Variants in CDH23 observed in about 807,000 individuals in gnomAD.
CDH23 encodes the protein cadherin-23.
A neutral mutation model predicts 317.1 loss-of-function variants in CDH23; 189 were observed. The observed-to-expected ratio is 0.60, with a 90% CI of 0.53 to 0.67. The LOEUF is 0.67. Among genes scored for constraint, CDH23 ranks in the 30% least tolerant of loss-of-function variants. CDH23 has a pLI of 0.00. For missense variants in CDH23, 4,401 were observed against 4,592.4 expected, an observed-to-expected ratio of 0.96 and a Z score of 1.20; for synonymous variants, 1,839 against 1,876.8, an observed-to-expected ratio of 0.98 and a Z score of 0.52.
rs777244853 is a variant in CDH23, at chr10:71,615,509, A to G, written c.838A>G (p.Thr280Ala). The change falls in exon 10 of 70, where the codon ACC becomes GCC. Residue 280 changes from threonine to alanine, a missense_variant. Physicochemically the swap from Thr to Ala is moderately conservative, Grantham distance 58 (BLOSUM62 0). Around this residue, in one of 3 missense-constraint regions of CDH23, gnomAD observed 3,068 missense variants for 3,203.3 expected, o/e 0.96. Transcript: ENST00000224721. ...AATGCTTCTCTCTCTTGCAGGGAAT[A>G]CCAACAGCATCTTTGCCCTGGACTA... ...GIGYTIVSGN[T>A]NSIFALDYIS... The G allele has an allele frequency of 1.6e-5, 25 of 1,609,876 alleles. No individual in the cohort carries two copies. In the African/African-American group the frequency reaches 3.2e-4, roughly 21 times the overall value.
At chr10:71,480,143 T>C (rs1851992910) in intron 3 of CDH23, among the ~76,000 whole-genome samples, 1 of 152,222 alleles carries the variant, frequency 6.6e-6, no homozygotes, top group Non-Finnish European at 1.5e-5. Context: ...CATTTCCTCC[T>C]GTGGCCCATT....
At chr10:71,481,366 C>T (rs1852055104) in intron 3 of CDH23, among the ~76,000 whole-genome samples, 1 of 152,210 alleles carries the variant, frequency 6.6e-6, no homozygotes, top group South Asian at 2.1e-4. Context: ...TGCCAGCTCA[C>T]AGCCACCCTT....
chr10:71,620,110 C>G (rs2132526800), intron 11 of CDH23, among the ~76,000 whole-genome samples: 1 of 152,088 alleles, frequency 6.6e-6, no homozygotes, highest in East Asian at 1.9e-4. Flanking sequence ...TCTGCAGGTC[C>G]CTCGGTCCCT....
At chr10:71,590,262 T>C (rs568148285) in intron 9 of CDH23, among the ~76,000 whole-genome samples, 6 of 152,382 alleles carry the variant, frequency 3.9e-5, no homozygotes, top group South Asian at 2.1e-4. Flanking sequence ...CAGACATTCA[T>C]TGAAGTGAAC....
chr10:71,501,989 G>C (rs996032134), intron 3 of CDH23, among the ~76,000 whole-genome samples: 2 of 152,232 alleles, frequency 1.3e-5, no homozygotes, highest in Non-Finnish European at 2.9e-5. Flanking sequence ...CCTGCTGTTT[G>C]CAACTCCTTG....
intron 14 of CDH23, among the ~76,000 whole-genome samples, chr10:71,649,187 A>C: frequency 6.6e-6 from 1 of 151,036 alleles, no homozygotes; most frequent in African/African-American, 2.4e-5. Context: ...GGCCTCCTTC[A>C]CCCGGCAGCT....
At chr10:71,583,511 C>T (rs1007284609) in intron 9 of CDH23, among the ~76,000 whole-genome samples, 19 of 152,136 alleles carry the variant, frequency 1.2e-4, no homozygotes, top group East Asian at 1.9e-4. Flanking sequence ...AGTCACAGCC[C>T]CGACTGCCCA....
chr10:71,765,969 G>A (rs1347557557), intron 38 of CDH23, among the ~76,000 whole-genome samples: 1 of 152,160 alleles, frequency 6.6e-6, no homozygotes, highest in Admixed American at 6.5e-5. Flanking sequence ...TGAGACTCCA[G>A]CTGGGACAAG....
At chr10:71,705,649 C>T (rs984497897) in intron 25 of CDH23, among the ~76,000 whole-genome samples, 1 of 152,206 alleles carries the variant, frequency 6.6e-6, no homozygotes, top group Non-Finnish European at 1.5e-5. Context: ...CTGGGACTCT[C>T]ATGCTCATTC....
chr10:71,753,674 C>T, intron 38 of CDH23: 1 of 438,262 alleles, frequency 2.3e-6, no homozygotes, highest in Non-Finnish European at 4.6e-6. Flanking sequence ...CAATTAGATG[C>T]AGTGACCCCA....
At chr10:71,582,931 T>C (rs1015856057) in intron 9 of CDH23, among the ~76,000 whole-genome samples, 1 of 152,214 alleles carries the variant, frequency 6.6e-6, no homozygotes, top group Non-Finnish European at 1.5e-5. Flanking sequence ...TATGCTGATG[T>C]TGACATGCAG....
intron 48 of CDH23, chr10:71,795,675 C>G (rs953188787): frequency 4.3e-5 from 20 of 469,132 alleles, no homozygotes; most frequent in Non-Finnish European, 5.6e-5. Context: ...CCCAGTGCCT[C>G]TTCCCCTCCC....
At chr10:71,720,468 CT>C (rs995045674) in intron 28 of CDH23, among the ~76,000 whole-genome samples, 3 of 150,946 alleles carry the variant, frequency 2.0e-5, no homozygotes, top group African/African-American at 7.4e-5. Context: ...CCCCAGCCTT[CT>C]TTCTCCCCAG....
intron 66 of CDH23, 28 bp downstream of exon 66, chr10:71,812,043 C>T (rs752500590): frequency 6.2e-7 from 1 of 1,613,976 alleles, no homozygotes; most frequent in Non-Finnish European, 8.5e-7. Flanking sequence ...CCTGCCCGGT[C>T]CCCTGCGGGG....
chr10:71,808,622 G>T (rs1346264180), intron 60 of CDH23, among the ~76,000 whole-genome samples: 1 of 152,140 alleles, frequency 6.6e-6, no homozygotes, highest in Non-Finnish European at 1.5e-5. Context: ...ATGCCCCTGT[G>T]GGTGTCCCAT....
intron 8 of CDH23, 105 bp from the exon 9 acceptor site, chr10:71,577,809 C>A: frequency 1.0e-6 from 1 of 965,622 alleles, no homozygotes; most frequent in South Asian, 1.4e-5. Context: ...GTTGCCCTTG[C>A]AGCCAGGATC....
At chr10:71,802,078 C>T (rs994454714) in intron 53 of CDH23, among the ~76,000 whole-genome samples, 2 of 152,124 alleles carry the variant, frequency 1.3e-5, no homozygotes, top group Admixed American at 1.3e-4. Context: ...GAGGCCGAGG[C>T]GGGGGGATCA....
chr10:71,729,199 C>G (rs1589379744), intron 30 of CDH23, among the ~76,000 whole-genome samples: 1 of 152,204 alleles, frequency 6.6e-6, no homozygotes, highest in Non-Finnish European at 1.5e-5. Flanking sequence ...ATAAAGAGAA[C>G]TTAGTGCTGG....
At chr10:71,706,169 A>G (rs1026173101) in intron 25 of CDH23, among the ~76,000 whole-genome samples, 1 of 152,186 alleles carries the variant, frequency 6.6e-6, no homozygotes, top group Non-Finnish European at 1.5e-5. Context: ...AGAGGAACCC[A>G]AGTGGGGTGG....
Sources: allele counts gnomAD v4.1 joint callset (sites outside exome capture counted in the v4.1 genomes callset), GRCh38; gene constraint gnomAD v4.1.1; regional missense constraint gnomAD v4.1.1; transcripts MANE v1.5; gene names NCBI Gene and HGNC (gene_info 2026-07-23, HGNC 2026-07-21).